The following VAV3 variants were observed in gnomAD, a reference collection of about 807,000 sequenced individuals.
The protein encoded by VAV3 is vav guanine nucleotide exchange factor 3.
VAV3 carries 94 observed loss-of-function variants against 131.2 expected under a neutral mutation model. The observed-to-expected ratio is 0.72, with a 90% CI of 0.61 to 0.85. The LOEUF (loss-of-function observed/expected upper bound fraction) is 0.85. Ranked by LOEUF, VAV3 falls within the 40% of genes least tolerant of loss-of-function variation. The pLI is 0.00. For synonymous variants in VAV3, 349 were observed against 342.0 expected (o/e 1.02, Z -0.22); for missense variants, 939 against 1,002.7 (o/e 0.94, Z 0.86).
chr1:107,757,575 C>G (rs868843524), intron 10 of VAV3, among the ~76,000 whole-genome samples: 20 of 152,134 alleles, frequency 1.3e-4, no homozygotes, highest in African/African-American at 4.6e-4. Flanking sequence ...CTATCCACCA[C>G]CATTACACTG....
At chr1:107,726,681 C>G (rs1165978085) in intron 15 of VAV3, among the ~76,000 whole-genome samples, 4 of 152,222 alleles carry the variant, frequency 2.6e-5, no homozygotes, top group Non-Finnish European at 5.9e-5. Flanking sequence ...TCAGCATAGA[C>G]TACCAACCTC....
chr1:107,698,587 C>G (rs1199810841), intron 17 of VAV3, among the ~76,000 whole-genome samples: 3 of 152,188 alleles, frequency 2.0e-5, no homozygotes, highest in Non-Finnish European at 2.9e-5. Context: ...GTACTGAGAA[C>G]AGTACCTGGC....
At chr1:107,872,398 G>A (rs1409656286) in intron 2 of VAV3, among the ~76,000 whole-genome samples, 1 of 152,164 alleles carries the variant, frequency 6.6e-6, no homozygotes, top group Admixed American at 6.5e-5. Flanking sequence ...TGTAGGAAAT[G>A]AGGCAGACAG....
At chr1:107,756,203 C>A (rs1412689978) in intron 11 of VAV3, among the ~76,000 whole-genome samples, 1 of 152,156 alleles carries the variant, frequency 6.6e-6, no homozygotes, top group Non-Finnish European at 1.5e-5. Context: ...TTTGAGGAAA[C>A]ATTAGCTAAT....
At chr1:107,662,678 T>G (rs1377761349) in intron 19 of VAV3, among the ~76,000 whole-genome samples, 1 of 152,154 alleles carries the variant, frequency 6.6e-6, no homozygotes, top group African/African-American at 2.4e-5. Flanking sequence ...GCAAGAACAT[T>G]TACTAACCAA....
intron 2 of VAV3, among the ~76,000 whole-genome samples, chr1:107,871,334 C>T (rs772722122): frequency 6.6e-6 from 1 of 151,436 alleles, no homozygotes; most frequent in Non-Finnish European, 1.5e-5. Context: ...CCCATTCCCC[C>T]CCTCTCCCCC....
At chr1:107,680,910 CTG>C (rs1200932562) in intron 19 of VAV3, among the ~76,000 whole-genome samples, 1 of 152,112 alleles carries the variant, frequency 6.6e-6, no homozygotes, top group Non-Finnish European at 1.5e-5. Context: ...CTAGACTATG[CTG>C]TGTTTCATTA....
rs1665128721 is a variant in VAV3, at chr1:107,772,846, A to G, written c.447-3T>C. 1 of 1,610,502 alleles carries G rather than the reference A, an allele frequency of 6.2e-7. No homozygotes were observed. The highest frequency in any genetic ancestry group is 2.2e-5 in the East Asian group (1 of 44,780). ...CTTCATCTTCCACAAGGGTTTCACT[A>G]CAACAAAGGATATCATATAAGGTCA... is the stretch of plus-strand genomic sequence containing the variant. On this transcript the variant is annotated splice_region_variant and splice_polypyrimidine_tract_variant and intron_variant, in intron 4 of 26. Transcript: ENST00000370056.
At chr1:107,819,106 GC>G in intron 2 of VAV3, among the ~76,000 whole-genome samples, 1 of 152,134 alleles carries the variant, frequency 6.6e-6, no homozygotes, top group East Asian at 1.9e-4. Flanking sequence ...TTCATACAGG[GC>G]TCCAGATGAA....
At chr1:107,863,752 T>A (rs1412651) in intron 2 of VAV3, among the ~76,000 whole-genome samples, 1,908 of 152,232 alleles carry the variant, frequency 0.013, 44 homozygotes, top group African/African-American at 0.044. Context: ...AGAGTTTTTT[T>A]AAAAAACTAC....
At chr1:107,669,081 A>T (rs1657602047) in intron 19 of VAV3, 1 of 1,080,384 alleles carries the variant, frequency 9.3e-7, no homozygotes, top group Non-Finnish European at 1.1e-6. Context: ...ACAGGGGAAA[A>T]AAAGAAAAAT....
chr1:107,737,671 G>C (rs1294745354), intron 15 of VAV3, among the ~76,000 whole-genome samples: 1 of 152,200 alleles, frequency 6.6e-6, no homozygotes, highest in African/African-American at 2.4e-5. Flanking sequence ...TCTCACACCA[G>C]TTAGAATGGC....
chr1:107,606,805 T>TC (rs1652305556), intron 22 of VAV3, among the ~76,000 whole-genome samples: 1 of 64,852 alleles, frequency 1.5e-5, no homozygotes, highest in African/African-American at 4.7e-5. Flanking sequence ...GGTTTCTTCT[T>TC]TTTTTTTTTT....
chr1:107,929,611 AACT>A (rs1452713167), intron 1 of VAV3, among the ~76,000 whole-genome samples: 2 of 152,202 alleles, frequency 1.3e-5, no homozygotes, highest in Admixed American at 6.5e-5. Flanking sequence ...CAGAAATAAT[AACT>A]ACAACTTTTC....
At chr1:107,664,401 C>T (rs1657263681) in intron 19 of VAV3, among the ~76,000 whole-genome samples, 3 of 151,958 alleles carry the variant, frequency 2.0e-5, no homozygotes, top group South Asian at 4.2e-4. Flanking sequence ...TGCCATGTGT[C>T]CACATGTTCT....
At chr1:107,785,457 C>G in intron 2 of VAV3, 1 of 1,330,014 alleles carries the variant, frequency 7.5e-7, no homozygotes, top group Non-Finnish European at 9.9e-7. Context: ...AGGGTACTTA[C>G]AGGGAGGTGG....
chr1:107,837,585 T>A (rs993526460), intron 2 of VAV3, among the ~76,000 whole-genome samples: 1 of 152,034 alleles, frequency 6.6e-6, no homozygotes, highest in Non-Finnish European at 1.5e-5. Context: ...GCCAAAGCAA[T>A]CTTAAGCAAA....
intron 2 of VAV3, among the ~76,000 whole-genome samples, chr1:107,836,702 A>C (rs769647085): frequency 3.3e-5 from 5 of 152,298 alleles, no homozygotes; most frequent in African/African-American, 7.2e-5. Context: ...GAAAAGATAC[A>C]GATAAGCATG....
At chr1:107,664,566 C>T (rs922832693) in intron 19 of VAV3, among the ~76,000 whole-genome samples, 14 of 152,116 alleles carry the variant, frequency 9.2e-5, no homozygotes, top group East Asian at 1.9e-4. Context: ...TATAAAGTTG[C>T]GCTTCCAATT....
Sources: allele counts gnomAD v4.1 joint callset (sites outside exome capture counted in the v4.1 genomes callset), GRCh38; gene constraint gnomAD v4.1.1; transcripts MANE v1.5; gene names NCBI Gene and HGNC (gene_info 2026-07-23, HGNC 2026-07-21).